The following BAG3 variants were observed in gnomAD, a reference collection of about 807,000 sequenced individuals.
The protein encoded by BAG3 is BAG family molecular chaperone regulator 3.
BAG3 carries 14 observed loss-of-function variants against 40.5 expected under a neutral mutation model. The ratio of observed to expected loss-of-function variants is 0.35; its 90% CI spans 0.23 to 0.54. BAG3 has a LOEUF of 0.54. BAG3 is among the 20% of genes least tolerant of loss of function. The pLI, the probability that BAG3 is intolerant of heterozygous loss-of-function variation, is 0.91. For missense variants in BAG3, 788 were observed against 758.6 expected (o/e 1.04, Z -0.46); for synonymous variants, 302 against 307.8 (o/e 0.98, Z 0.20).
intron 1 of BAG3, chr10:119,656,553 G>C (rs1012371538): frequency 3.9e-5 from 6 of 152,126 alleles, no homozygotes; most frequent in African/African-American, 1.4e-4. Flanking sequence ...TCAGCCGGCC[G>C]TCTGAGGCAG....
At chr10:119,671,374 A>C (rs1345908169) in intron 2 of BAG3, among the ~76,000 whole-genome samples, 1 of 152,230 alleles carries the variant, frequency 6.6e-6, no homozygotes, top group African/African-American at 2.4e-5. Flanking sequence ...GTGACACATA[A>C]ATGCGAGACA....
At chr10:119,656,409 C>T (rs896908078) in intron 1 of BAG3, among the ~76,000 whole-genome samples, 10 of 137,184 alleles carry the variant, frequency 7.3e-5, no homozygotes, top group South Asian at 2.3e-4. Flanking sequence ...GAGACGGAGT[C>T]GCACTTTGTC....
rs201794358 is a variant in BAG3, at chr10:119,665,139, TATATA to T, written c.181-4711_181-4707del. On this transcript the variant is annotated intron_variant, in intron 1 of 3. Transcript: ENST00000369085. ...GTGTGTGTGTGTGTATATATATATA[TATATA>T]TTTTTTTTTTTAGTTGGAGTCTTGC... Among the ~76,000 whole-genome samples the T allele has an allele frequency of 2.4e-4, 17 of 70,914 alleles. 1 individual carries two copies. The highest frequency in any genetic ancestry group is 2.6e-4 in the Non-Finnish European group (8 of 31,314). The allele number at this position is 70,914 out of a possible 152,430, so 46.5% of individuals were successfully genotyped here.
At position 119,676,733 on chromosome 10, in the gene BAG3, A is replaced by G. The variant is rs780963692; in HGVS notation, c.1179A>G (p.Glu393=). 16 of 1,613,962 alleles carry G rather than the reference A, an allele frequency of 9.9e-6. No individual in the cohort carries two copies. The Admixed American group carries it at 2.7e-4, about 27-fold the overall frequency. ...CTTCCCCCAAGAGTGTGGCTACAGA[A>G]GAGAGGGCAGCCCCCAGCACTGCCC... is the stretch of plus-strand genomic sequence containing the variant. ...VPSSPKSVAT[E]ERAAPSTAPA... is the part of the protein sequence containing the mutation. Residue 393 remains glutamate, a synonymous_variant, in exon 4 of 4, where the codon GAA becomes GAG. Transcript: ENST00000369085.
At position 119,651,635 on chromosome 10, in the gene BAG3, C is replaced by A; in HGVS notation, c.-41C>A. The A allele has an allele frequency of 6.7e-7, 1 of 1,483,928 alleles. No homozygotes were observed. 91.9% of individuals were successfully genotyped at this position (1,483,928 alleles called of 1,614,324 possible). A position where few individuals can be genotyped will look rare whatever the true frequency, so the allele number is the denominator to read the frequency against. ...CCAGAGACTCGGCGCCCGGAGCCAG[C>A]GCCCCGCACCCGCGCCCCAGCGGGC... On this transcript the variant is annotated 5_prime_UTR_variant, in exon 1 of 4. Transcript: ENST00000369085.
chr10:119,651,529 C>G lies in BAG3; in HGVS notation c.-147C>G, dbSNP rs1846838213. The G allele has an allele frequency of 1.5e-6, 1 of 666,810 alleles. No homozygotes were observed. The highest frequency in any genetic ancestry group is 1.9e-5 in the African/African-American group (1 of 51,938). The allele number at this position is 666,810 out of a possible 1,614,324, so 41.3% of individuals were successfully genotyped here. A position where few individuals can be genotyped will look rare whatever the true frequency, so the allele number is the denominator to read the frequency against. On this transcript the variant is annotated 5_prime_UTR_variant, in exon 1 of 4. Transcript: ENST00000369085. ...CCACCCCTCTCTGGCCACGTCACCCCCGCCTTTAATTCATAAAGGTGCCCG... is the reference window on the plus strand; with the variant it reads ...CCACCCCTCTCTGGCCACGTCACCCGCGCCTTTAATTCATAAAGGTGCCCG...
Position 119,677,357 on chromosome 10 carries a change from CTT to C in BAG3, c.*77_*78del, listed in dbSNP as rs1236458643. 9 of 1,583,742 alleles carry C rather than the reference CTT, an allele frequency of 5.7e-6. No homozygotes were observed. The Admixed American group carries it at 1.6e-4, about 28-fold the overall frequency. On this transcript the variant is annotated 3_prime_UTR_variant, in exon 4 of 4. Transcript: ENST00000369085. ...TTTTAAGTTGCATGCATTTCAGAGA[CTT>C]TAAGTCAGTTGGTTTTTATTAGCTG...
At chr10:119,665,060 G>C (rs1847040312) in intron 1 of BAG3, among the ~76,000 whole-genome samples, 1 of 128,052 alleles carries the variant, frequency 7.8e-6, no homozygotes, top group Non-Finnish European at 1.7e-5. Flanking sequence ...TGGGATTACA[G>C]GCACCCGCCA....
intron 1 of BAG3, among the ~76,000 whole-genome samples, chr10:119,662,365 A>C (rs1847006038): frequency 6.6e-6 from 1 of 151,586 alleles, no homozygotes; most frequent in African/African-American, 2.4e-5. Context: ...CACCACGCCC[A>C]GTTCCAGTTG....
chr10:119,674,513 G>A (rs1364525894), intron 3 of BAG3, among the ~76,000 whole-genome samples: 1 of 152,214 alleles, frequency 6.6e-6, no homozygotes, highest in Non-Finnish European at 1.5e-5. Context: ...CCTTTTGGGA[G>A]GCTTTCCAGG....
Position 119,676,792 on chromosome 10 carries a change from C to A in BAG3, c.1238C>A (p.Ala413Asp). Residue 413 changes from alanine (A) to aspartate (D), a missense_variant, in exon 4 of 4, where the codon GCC (alanine) becomes GAC (aspartate). Coordinates refer to ENST00000369085, the MANE Select transcript of BAG3 (RefSeq NM_004281.4). The stretch of plus-strand genomic sequence containing the variant: ...GCTACACCTCCAAAACCAGGAGAAG[C>A]CGAGGCTCCCCCAAAACATCCAGGA... ...AEATPPKPGE[A>D]EAPPKHPGVL... 1 of 1,614,192 alleles carries A rather than the reference C, an allele frequency of 6.2e-7. No individual in the cohort carries two copies. The highest frequency in any genetic ancestry group is 8.5e-7 in the Non-Finnish European group (1 of 1,180,046).
chr10:119,670,160 G>T lies in BAG3; in HGVS notation c.490G>T (p.Ala164Ser). Residue 164 changes from alanine to serine, a missense_variant, in exon 2 of 4, where the codon GCC (alanine) becomes TCC (serine). Physicochemically the swap from Ala to Ser is moderately conservative, Grantham distance 99. Coordinates refer to ENST00000369085, the MANE Select transcript of BAG3 (RefSeq NM_004281.4). Reference protein sequence around the residue: ...VAAAAAAQPPASHGPERSQSP... With the variant: ...VAAAAAAQPPSSHGPERSQSP... ...AGCGGCGGCGGCAGCCCAGCCCCCA[G>T]CCTCCCACGGACCTGAGGTAAGGAG... is the stretch of plus-strand genomic sequence containing the variant. 6.2e-7 allele frequency: 1 copy of T among 1,610,676 alleles called. No homozygotes were observed. Among genetic ancestry groups the T allele is most frequent in the South Asian group, 1.1e-5 (1 of 90,982 alleles).
chr10:119,655,634 GTA>G (rs1846899982), intron 1 of BAG3, among the ~76,000 whole-genome samples: 1 of 152,146 alleles, frequency 6.6e-6, no homozygotes, highest in South Asian at 2.1e-4. Flanking sequence ...TCTCTCCTTC[GTA>G]TTTCCAGCAA....
intron 1 of BAG3, among the ~76,000 whole-genome samples, chr10:119,655,235 GGGAA>G (rs1466345995): frequency 6.6e-6 from 1 of 152,194 alleles, no homozygotes; most frequent in Non-Finnish European, 1.5e-5. Flanking sequence ...GGGATGACAT[GGGAA>G]GCGAGCCGAG....
chr10:119,655,043 G>A (rs915529028), intron 1 of BAG3, among the ~76,000 whole-genome samples: 2 of 152,184 alleles, frequency 1.3e-5, no homozygotes, highest in Non-Finnish European at 2.9e-5. Context: ...AGCTTTTTTG[G>A]TGGTTCTGAT....
rs1429155755 is a variant in BAG3 at position 119,665,091 on chromosome 10, TTTGTGTGTG to T, written c.181-4758_181-4750del. On this transcript the variant is annotated intron_variant, in intron 1 of 3. Transcript: ENST00000369085. ...CGCCACCACACACAGCTAATTTTTG[TTTGTGTGTG>T]TGTGTGTGTGTGTGTGTGTGTGTGT... Among the ~76,000 whole-genome samples the T allele has an allele frequency of 3.2e-3, 174 of 55,102 alleles. 2 individuals are homozygous for T. The highest frequency in any genetic ancestry group is 0.01 in the African/African-American group (161 of 15,726). The allele number at this position is 55,102 out of a possible 152,430, so 36.1% of individuals were successfully genotyped here.
chr10:119,666,853 AAG>A (rs1467745122), intron 1 of BAG3, among the ~76,000 whole-genome samples: 1 of 152,162 alleles, frequency 6.6e-6, no homozygotes, highest in Non-Finnish European at 1.5e-5. Context: ...TGCCCAGAAA[AAG>A]AGAATATTCC....
rs1201210154 is a variant in BAG3, at chr10:119,677,219, A to T, written c.1665A>T (p.Thr555=). 1.9e-6 allele frequency: 3 copies of T among 1,614,184 alleles called. No individual in the cohort carries two copies. The highest frequency in any genetic ancestry group is 2.2e-5 in the South Asian group (2 of 91,078). ...PHTETQQPEA[T]AAATSNPSSM... Reference sequence around the variant, plus strand: ...CAGAAACCCAGCAGCCAGAAGCCACAGCAGCAGCGACTTCAAACCCCAGCA... The same window carrying T: ...CAGAAACCCAGCAGCCAGAAGCCACTGCAGCAGCGACTTCAAACCCCAGCA... The change falls in exon 4 of 4, where the codon ACA becomes ACT. Residue 555 remains threonine, a synonymous_variant. Coordinates refer to ENST00000369085, the MANE Select transcript of BAG3 (RefSeq NM_004281.4).
intron 1 of BAG3, among the ~76,000 whole-genome samples, chr10:119,659,510 C>T (rs1846963105): frequency 6.6e-6 from 1 of 152,194 alleles, no homozygotes; most frequent in African/African-American, 2.4e-5. Flanking sequence ...CCACCACCCT[C>T]TTCTGGGGGG....
Sources: allele counts gnomAD v4.1 joint callset (sites outside exome capture counted in the v4.1 genomes callset), GRCh38; gene constraint gnomAD v4.1.1; transcripts MANE v1.5; gene names NCBI Gene and HGNC (gene_info 2026-07-23, HGNC 2026-07-21).